The following GAB2 variants were observed in gnomAD, a reference collection of about 807,000 sequenced individuals.
The protein encoded by GAB2 is GRB2 associated binding protein 2.
In GAB2, 26 loss-of-function variants were observed where a neutral mutation model predicts 65.5. That is an observed-to-expected ratio of 0.40 (90% CI 0.29 to 0.55). The LOEUF is 0.55. GAB2 is among the 20% of genes least tolerant of loss of function. The pLI, the probability that GAB2 is intolerant of heterozygous loss-of-function variation, is 0.53. For synonymous variants in GAB2, 321 were observed against 329.6 expected (o/e 0.97, Z 0.28); for missense variants, 884 against 875.8 (o/e 1.01, Z -0.12).
At chr11:78,385,012 G>A (rs752885655) in intron 1 of GAB2, among the ~76,000 whole-genome samples, 6 of 152,194 alleles carry the variant, frequency 3.9e-5, no homozygotes, top group Admixed American at 6.5e-5. Context: ...GGATATCTAT[G>A]AGACTGCCAT....
At chr11:78,225,503 C>A (rs1864609907) in intron 4 of GAB2, among the ~76,000 whole-genome samples, 1 of 152,224 alleles carries the variant, frequency 6.6e-6, no homozygotes, top group Non-Finnish European at 1.5e-5. Context: ...CCCCAGCCAT[C>A]ACTTCTCTGA....
intron 4 of GAB2, among the ~76,000 whole-genome samples, chr11:78,226,212 G>T (rs1312115400): frequency 1.3e-5 from 2 of 152,196 alleles, no homozygotes; most frequent in African/African-American, 4.8e-5. Flanking sequence ...AATCAAGAAT[G>T]TCCTATTCTC....
chr11:78,369,626 A>G (rs1209102381), intron 1 of GAB2, among the ~76,000 whole-genome samples: 1 of 152,220 alleles, frequency 6.6e-6, no homozygotes, highest in Non-Finnish European at 1.5e-5. Flanking sequence ...CTGAATAAAA[A>G]TTTTCAGGGG....
Position 78,385,797 on chromosome 11 carries a change from G to A in GAB2, c.75+31849C>T, listed in dbSNP as rs537015735. ...GTGATGAAAGAATACAAAATTATGA[G>A]GCACCCAATGATAGGAATCTGTCAT... On this transcript the variant is annotated intron_variant, in intron 1 of 9. Transcript: ENST00000361507. Among the ~76,000 whole-genome samples, 14 of 152,248 alleles carry A rather than the reference G, an allele frequency of 9.2e-5. No homozygotes were observed. In the South Asian group the frequency reaches 2.9e-3, roughly 32 times the overall value.
intron 1 of GAB2, among the ~76,000 whole-genome samples, chr11:78,415,256 G>T (rs548272671): frequency 1.3e-5 from 2 of 152,188 alleles, no homozygotes; most frequent in African/African-American, 2.4e-5. Flanking sequence ...ACATATGCTC[G>T]ATGTATTCTT....
At chr11:78,260,549 G>A (rs973543189) in intron 2 of GAB2, among the ~76,000 whole-genome samples, 2 of 150,882 alleles carry the variant, frequency 1.3e-5, no homozygotes, top group African/African-American at 4.9e-5. Flanking sequence ...TTGGCTCACT[G>A]AAACCTCCGC....
At chr11:78,366,042 A>G (rs898780578) in intron 1 of GAB2, among the ~76,000 whole-genome samples, 6 of 152,216 alleles carry the variant, frequency 3.9e-5, no homozygotes, top group Non-Finnish European at 8.8e-5. Context: ...TCAAAATTAA[A>G]TAAGACAATG....
chr11:78,320,818 G>A (rs1188733445), intron 1 of GAB2, among the ~76,000 whole-genome samples: 1 of 147,124 alleles, frequency 6.8e-6, no homozygotes, highest in East Asian at 2.0e-4. Context: ...TGATCCACCT[G>A]CCATGGCCTC....
At chr11:78,373,861 C>G (rs1356758836) in intron 1 of GAB2, among the ~76,000 whole-genome samples, 1 of 152,192 alleles carries the variant, frequency 6.6e-6, no homozygotes, top group African/African-American at 2.4e-5. Flanking sequence ...GACTTAATAG[C>G]TCCTCTAAAA....
intron 2 of GAB2, among the ~76,000 whole-genome samples, chr11:78,270,823 G>C (rs1865991634): frequency 6.6e-6 from 1 of 152,210 alleles, no homozygotes; most frequent in South Asian, 2.1e-4. Flanking sequence ...CATTCTCCAA[G>C]CTTTACCTGT....
intron 1 of GAB2, among the ~76,000 whole-genome samples, chr11:78,298,752 TACCAGGGAAA>T (rs1234326407): frequency 6.6e-6 from 1 of 152,170 alleles, no homozygotes; most frequent in Non-Finnish European, 1.5e-5. Context: ...AAGCAAAGGT[TACCAGGGAAA>T]ACCAGGGCAA....
chr11:78,385,376 G>A (rs1197380512), intron 1 of GAB2, among the ~76,000 whole-genome samples: 1 of 152,206 alleles, frequency 6.6e-6, no homozygotes, highest in Admixed American at 6.5e-5. Flanking sequence ...ACACTGAAGA[G>A]AAACTCTATA....
chr11:78,405,954 G>A lies in GAB2; in HGVS notation c.75+11692C>T, dbSNP rs74568592. ...AACTGCTCTACTCCAGCCAAACACCGCAGAGCAAACTGTGGTCCAACCCTC... is the reference window on the plus strand; with the variant it reads ...AACTGCTCTACTCCAGCCAAACACCACAGAGCAAACTGTGGTCCAACCCTC... On this transcript the variant is annotated intron_variant, in intron 1 of 9. Transcript: ENST00000361507. Among the ~76,000 whole-genome samples, 1,175 of 152,284 alleles carry A rather than the reference G, an allele frequency of 7.7e-3. 9 individuals are homozygous for A. Among genetic ancestry groups the A allele is most frequent in the African/African-American group, 0.027 (1,106 of 41,556 alleles).
Position 78,220,305 on chromosome 11 carries a change from T to C in GAB2, c.1887+14A>G, listed in dbSNP as rs1396001130. 5.6e-6 allele frequency: 9 copies of C among 1,611,730 alleles called. No individual in the cohort carries two copies. Among genetic ancestry groups the C allele is most frequent in the Non-Finnish European group, 7.6e-6 (9 of 1,179,692 alleles). On this transcript the variant is annotated intron_variant, in intron 9 of 9. Transcript: ENST00000361507. ...TGAGAGCTCTTACTGCCCCCCCAAC[T>C]CTACTCCAGGCACCTTGCGGTGGGG...
chr11:78,325,993 C>G (rs999406923), intron 1 of GAB2, among the ~76,000 whole-genome samples: 1 of 152,140 alleles, frequency 6.6e-6, no homozygotes, highest in Admixed American at 6.5e-5. Flanking sequence ...TACCCTAACT[C>G]CAGCCATCCT....
chr11:78,393,991 A>C (rs1856864248), intron 1 of GAB2, among the ~76,000 whole-genome samples: 1 of 152,258 alleles, frequency 6.6e-6, no homozygotes, highest in African/African-American at 2.4e-5. Flanking sequence ...AGAATTTATT[A>C]AGAAGCCATA....
At position 78,395,521 on chromosome 11, in the gene GAB2, C is replaced by T. The variant is rs771505328; in HGVS notation, c.75+22125G>A. Among the ~76,000 whole-genome samples the T allele has an allele frequency of 5.3e-4, 80 of 152,190 alleles. 1 individual carries two copies. Among genetic ancestry groups the T allele is most frequent in the South Asian group, 4.1e-4 (2 of 4,836 alleles). ...ATAGCCACAAGCCTGGTTAGAGTAA[C>T]AGGAGTAAGTAAACCTTTCAATTAG... is the stretch of plus-strand genomic sequence containing the variant. On this transcript the variant is annotated intron_variant, in intron 1 of 9. Transcript: ENST00000361507.
intron 1 of GAB2, among the ~76,000 whole-genome samples, chr11:78,345,074 G>A (rs1277804621): frequency 6.6e-6 from 1 of 152,186 alleles, no homozygotes; most frequent in East Asian, 1.9e-4. Flanking sequence ...GAGCTTAGGA[G>A]TTCAAGACCA....
At chr11:78,357,107 T>A (rs891728788) in intron 1 of GAB2, among the ~76,000 whole-genome samples, 1 of 152,164 alleles carries the variant, frequency 6.6e-6, no homozygotes, top group Admixed American at 6.6e-5. Context: ...AATGTGAATG[T>A]ATTTAATGCC....
Sources: gnomAD v4.1 joint callset for allele counts (sites outside exome capture counted in the v4.1 genomes callset) on GRCh38, gnomAD v4.1.1 for gene constraint, MANE v1.5 for transcripts, NCBI Gene and HGNC (gene_info 2026-07-23, HGNC 2026-07-21) for gene names.